The following SPAG17 variants were observed in gnomAD, a reference collection of about 807,000 sequenced individuals.
SPAG17 encodes sperm-associated antigen 17.
Under a neutral mutation model 273.6 loss-of-function variants are expected in SPAG17, and 169 were observed. The observed-to-expected ratio is 0.62, with a 90% confidence interval of 0.55 to 0.70. The LOEUF (loss-of-function observed/expected upper bound fraction) is 0.70, where lower values mean the gene tolerates loss of function less well. Among genes scored for constraint, SPAG17 ranks in the 30% least tolerant of loss-of-function variants. The pLI, the probability that SPAG17 is intolerant of heterozygous loss-of-function variation, is 0.00. For synonymous variants in SPAG17, 825 were observed against 873.2 expected, an observed-to-expected ratio of 0.94 and a Z score of 0.97; for missense variants, 2,557 against 2,627.8, an observed-to-expected ratio of 0.97 and a Z score of 0.59.
At chr1:118,122,023 T>C (rs1012744001) in intron 3 of SPAG17, among the ~76,000 whole-genome samples, 2 of 152,202 alleles carry the variant, frequency 1.3e-5, no homozygotes, top group African/African-American at 4.8e-5. Context: ...TATGTTGCCA[T>C]ATATTCTATC....
At chr1:118,074,436 C>T in intron 16 of SPAG17, 103 bp downstream of exon 16, 2 of 971,422 alleles carry the variant, frequency 2.1e-6, no homozygotes, top group Admixed American at 1.9e-5. Flanking sequence ...CAGTATTCTC[C>T]TTCTAAGTAT....
intron 47 of SPAG17, 176 bp from the exon 48 acceptor site, chr1:117,964,114 G>C (rs2101411051): frequency 1.7e-6 from 1 of 595,692 alleles, no homozygotes; most frequent in East Asian, 2.9e-5. Flanking sequence ...GGATGGATAT[G>C]CCAATGTCTA....
chr1:118,157,668 C>A (rs1659720386), intron 1 of SPAG17, among the ~76,000 whole-genome samples: 1 of 152,146 alleles, frequency 6.6e-6, no homozygotes, highest in African/African-American at 2.4e-5. Flanking sequence ...AATTAGGAGC[C>A]TGGGTTCGAT....
At chr1:118,115,964 T>C (rs1657052971) in intron 3 of SPAG17, among the ~76,000 whole-genome samples, 1 of 152,196 alleles carries the variant, frequency 6.6e-6, no homozygotes, top group Non-Finnish European at 1.5e-5. Context: ...GCCATATGAA[T>C]GTTGCTCCCC....
At chr1:118,181,512 T>C (rs1039618257) in intron 1 of SPAG17, among the ~76,000 whole-genome samples, 1 of 151,954 alleles carries the variant, frequency 6.6e-6, no homozygotes, top group East Asian at 1.9e-4. Flanking sequence ...TAAGCAACTA[T>C]TACACACAAA....
intron 18 of SPAG17, among the ~76,000 whole-genome samples, chr1:118,057,493 C>T (rs1273050186): frequency 6.6e-6 from 1 of 152,008 alleles, no homozygotes; most frequent in African/African-American, 2.4e-5. Context: ...TAACCTACAC[C>T]AAGGAAATAT....
At chr1:117,997,163 G>A (rs1377508409) in intron 32 of SPAG17, among the ~76,000 whole-genome samples, 2 of 152,048 alleles carry the variant, frequency 1.3e-5, no homozygotes, top group Non-Finnish European at 2.9e-5. Flanking sequence ...TGTGGCTCAT[G>A]GGTAGAATAC....
chr1:118,176,892 A>T (rs2102404079), intron 1 of SPAG17, among the ~76,000 whole-genome samples: 1 of 152,324 alleles, frequency 6.6e-6, no homozygotes, highest in South Asian at 2.1e-4. Context: ...ATCAATAACA[A>T]GAGAAATCTC....
intron 1 of SPAG17, among the ~76,000 whole-genome samples, chr1:118,157,798 T>G (rs1377570092): frequency 6.6e-6 from 1 of 152,192 alleles, no homozygotes; most frequent in Non-Finnish European, 1.5e-5. Context: ...TTGGGATTGT[T>G]GTGAAGATTG....
At chr1:117,984,137 G>A (rs752450906) in intron 41 of SPAG17, among the ~76,000 whole-genome samples, 4 of 152,168 alleles carry the variant, frequency 2.6e-5, no homozygotes, top group Non-Finnish European at 5.9e-5. Flanking sequence ...AATGCAGGGC[G>A]TTCTGAACAT....
At chr1:118,025,123 T>C (rs1647583463) in intron 27 of SPAG17, 115 bp downstream of exon 27, 2 of 776,470 alleles carry the variant, frequency 2.6e-6, no homozygotes, top group African/African-American at 1.8e-5. Flanking sequence ...TTTGAAGGTG[T>C]CATTCCTTTT....
intron 28 of SPAG17, 61 bp downstream of exon 28, chr1:118,023,243 C>G: frequency 7.7e-7 from 1 of 1,296,670 alleles, no homozygotes. Context: ...ATATTGAACA[C>G]TTATTAAGCC....
At chr1:117,988,560 C>G (rs985597508) in intron 38 of SPAG17, among the ~76,000 whole-genome samples, 4 of 152,090 alleles carry the variant, frequency 2.6e-5, no homozygotes, top group African/African-American at 9.7e-5. Flanking sequence ...GGATATTTTC[C>G]TGTTCCCGAA....
chr1:118,124,946 G>A (rs1159558242), intron 3 of SPAG17, among the ~76,000 whole-genome samples: 1 of 152,152 alleles, frequency 6.6e-6, no homozygotes, highest in Non-Finnish European at 1.5e-5. Context: ...GCATGGATGT[G>A]TCCTAGTCCC....
chr1:117,993,393 T>TA (rs1657318137), intron 35 of SPAG17, among the ~76,000 whole-genome samples: 1 of 152,202 alleles, frequency 6.6e-6, no homozygotes, highest in Non-Finnish European at 1.5e-5. Context: ...AGATGTGGCA[T>TA]ACCCTTTGTC....
rs1659103243 is a variant in SPAG17, at chr1:118,008,184, T to C, written c.4447A>G (p.Thr1483Ala). Residue 1483 changes from threonine (T) to alanine (A), a missense_variant, in exon 31 of 49, where the codon ACT (threonine) becomes GCT (alanine). Transcript: ENST00000336338. The part of the protein sequence containing the change: ...DDQETTEGPR[T>A]VTRQVKCMRV... Reference sequence around the variant, plus strand: ...ATACACTTCACCTGCCTGGTGACAGTCCGAGGACCCTCGGCTACAAGCAAA... The same window carrying C: ...ATACACTTCACCTGCCTGGTGACAGCCCGAGGACCCTCGGCTACAAGCAAA... The C allele has an allele frequency of 6.2e-7, 1 of 1,613,752 alleles. No homozygotes were observed. Among genetic ancestry groups the C allele is most frequent in the African/African-American group, 1.3e-5 (1 of 74,924 alleles).
intron 43 of SPAG17, among the ~76,000 whole-genome samples, chr1:117,978,406 A>T (rs1655367264): frequency 6.6e-6 from 1 of 152,250 alleles, no homozygotes; most frequent in South Asian, 2.1e-4. Context: ...CCCAGATGCC[A>T]TGTTCTTCCA....
At chr1:118,008,280 T>C in intron 30 of SPAG17, 82 bp from the exon 31 acceptor site, 1 of 1,500,248 alleles carries the variant, frequency 6.7e-7, no homozygotes. Context: ...TTTGCTGCTG[T>C]TTCCTGGCTG....
intron 18 of SPAG17, among the ~76,000 whole-genome samples, chr1:118,060,366 C>A (rs1047221260): frequency 6.6e-6 from 1 of 151,984 alleles, no homozygotes; most frequent in African/African-American, 2.4e-5. Flanking sequence ...AGGCTGGACT[C>A]CAAATCCTAG....
Sources: gnomAD v4.1 joint callset for allele counts (sites outside exome capture counted in the v4.1 genomes callset) on GRCh38, gnomAD v4.1.1 for gene constraint, MANE v1.5 for transcripts, NCBI Gene and HGNC (gene_info 2026-07-23, HGNC 2026-07-21) for gene names.